The following LALBA variants were observed in gnomAD, a reference collection of about 807,000 sequenced individuals.
The protein encoded by LALBA is alpha-lactalbumin.
LALBA carries 12 observed loss-of-function variants against 13.4 expected under a neutral mutation model. The ratio of observed to expected loss-of-function variants is 0.89; its 90% CI spans 0.57 to 1.45. The LOEUF is 1.45. Ranked by LOEUF, LALBA falls within the 40% of genes most tolerant of loss-of-function variation. The pLI is 0.00. For missense variants in LALBA, 145 were observed against 165.9 expected, an observed-to-expected ratio of 0.87 and a Z score of 0.69; for synonymous variants, 64 against 61.0, an observed-to-expected ratio of 1.05 and a Z score of -0.23.
Position 48,567,897 on chromosome 12 carries a change from A to T in LALBA, c.*60T>A, listed in dbSNP as rs1938586741. Reference sequence around the variant, plus strand: ...ACAGAAAGAAACAAACTGAGGTGGCATTAGGGAAGAGGTATTCCAGGAGTG... The same window carrying T: ...ACAGAAAGAAACAAACTGAGGTGGCTTTAGGGAAGAGGTATTCCAGGAGTG... On this transcript the variant is annotated 3_prime_UTR_variant, in exon 4 of 4. Transcript: ENST00000301046. 2 of 1,359,362 alleles carry T rather than the reference A, an allele frequency of 1.5e-6. No homozygotes were observed. Among genetic ancestry groups the T allele is most frequent in the East Asian group, 2.3e-5 (1 of 42,586 alleles). 84.2% of individuals were successfully genotyped at this position (1,359,362 alleles called of 1,614,324 possible).
intron 1 of LALBA, 35 bp downstream of exon 1, chr12:48,569,853 G>A (rs553284838): frequency 1.2e-6 from 2 of 1,608,198 alleles, no homozygotes; most frequent in East Asian, 4.5e-5. Context: ...AGAAGCGTAT[G>A]AGGAATGGAT....
rs1162697320 is a variant in LALBA, at chr12:48,567,941, C to T, written c.*16G>A. On this transcript the variant is annotated 3_prime_UTR_variant, in exon 4 of 4. Transcript: ENST00000301046. Reference sequence around the variant, plus strand: ...AGGAGTGTGGAGTGGGCAGGGGTGCCAAGGACAGCAGACACTCACAACTTC... The same window carrying T: ...AGGAGTGTGGAGTGGGCAGGGGTGCTAAGGACAGCAGACACTCACAACTTC... The T allele has an allele frequency of 6.2e-7, 1 of 1,601,284 alleles. No individual in the cohort carries two copies. The highest frequency in any genetic ancestry group is 1.3e-5 in the African/African-American group (1 of 74,922).
rs58503518 is a variant in LALBA, at chr12:48,569,892, A to C, written c.129T>G (p.Pro43=). The part of the protein sequence containing the change: ...DIDGYGGIAL[P]ELICTMFHTS... ...ACACAGAGGCAGGGAACTCACATTC[A>C]GGCAAAGCGATGCCTCCATAACCAT... The change falls in exon 1 of 4, where the codon CCT becomes CCG. Residue 43 remains proline (P), a synonymous_variant. Transcript: ENST00000301046. 1 of 1,613,930 alleles carries C rather than the reference A, an allele frequency of 6.2e-7. No individual in the cohort carries two copies.
At position 48,567,878 on chromosome 12, in the gene LALBA, A is replaced by G; in HGVS notation, c.*79T>C. ...ACAGATAAGCTTTGGGGGAACAGAA[A>G]GAAACAAACTGAGGTGGCATTAGGG... On this transcript the variant is annotated 3_prime_UTR_variant, in exon 4 of 4. Coordinates refer to ENST00000301046, the MANE Select transcript of LALBA (RefSeq NM_002289.3). 8.3e-7 allele frequency: 1 copy of G among 1,206,048 alleles called. No individual in the cohort carries two copies. Among genetic ancestry groups the G allele is most frequent in the Non-Finnish European group, 1.2e-6 (1 of 829,810 alleles). 74.7% of individuals were successfully genotyped at this position (1,206,048 alleles called of 1,614,324 possible).
chr12:48,569,321 TGCTTTCCAGC>T (rs1938604354), intron 1 of LALBA, 81 bp from the exon 2 acceptor site: 1 of 1,250,698 alleles, frequency 8.0e-7, no homozygotes, highest in East Asian at 2.5e-5. Flanking sequence ...CAGACAAAAA[TGCTTTCCAGC>T]CAATCTCCAA....
upstream of LALBA, among the ~76,000 whole-genome samples, chr12:48,570,807 A>G (rs1938623605): frequency 6.6e-6 from 1 of 151,694 alleles, no homozygotes; most frequent in Non-Finnish European, 1.5e-5. Context: ...ACATGGTAAA[A>G]TCCCATCTCT....
upstream of LALBA, among the ~76,000 whole-genome samples, chr12:48,571,386 CTTTT>C (rs60444004): frequency 2.4e-4 from 24 of 98,028 alleles, no homozygotes; most frequent in Admixed American, 2.9e-3. Context: ...CTTCTTCTTC[CTTTT>C]TTTTTTTTTT....
At chr12:48,571,654 G>C (rs1398681075), upstream of LALBA, among the ~76,000 whole-genome samples, 1 of 152,048 alleles carries the variant, frequency 6.6e-6, no homozygotes, top group East Asian at 1.9e-4. Context: ...GCCTCCCAAA[G>C]TGCTAGGATT....
chr12:48,569,189 T>G lies in LALBA; in HGVS notation c.185A>C (p.Glu62Ala). The change falls in exon 2 of 4, where the codon GAA (glutamate) becomes GCA (alanine). Residue 62 changes from glutamate (E) to alanine (A), a missense_variant. By Grantham distance (107) the Glu-to-Ala change is moderately radical. Transcript: ENST00000301046. ...TSGYDTQAIV[E>A]NNESTEYGLF... is the part of the protein sequence containing the mutation. ...TCCATATTCCGTGCTTTCATTGTTT[T>G]CAACTATGGCTTGTGTGTCATAACC... 1 of 1,613,606 alleles carries G rather than the reference T, an allele frequency of 6.2e-7. No individual in the cohort carries two copies. The highest frequency in any genetic ancestry group is 8.5e-7 in the Non-Finnish European group (1 of 1,179,556).
chr12:48,569,020 G>A, intron 2 of LALBA, 62 bp downstream of exon 2: 4 of 1,420,472 alleles, frequency 2.8e-6, no homozygotes, highest in Non-Finnish European at 3.8e-6. Flanking sequence ...GCACTAAAAA[G>A]GAGATTATCC....
chr12:48,569,523 G>A (rs530887194), intron 1 of LALBA, among the ~76,000 whole-genome samples: 1 of 152,268 alleles, frequency 6.6e-6, no homozygotes, highest in African/African-American at 2.4e-5. Flanking sequence ...AGACCAGCCT[G>A]GCCAACATGG....
chr12:48,569,833 G>C, intron 1 of LALBA, 55 bp downstream of exon 1: 1 of 1,578,754 alleles, frequency 6.3e-7, no homozygotes, highest in Middle Eastern at 1.7e-4. Context: ...AGAAAGAGGG[G>C]ATGGAGGAGA....
At chr12:48,571,386 C>CTTTTTTTTT (rs60444004), upstream of LALBA, among the ~76,000 whole-genome samples, 289 of 98,022 alleles carry the variant, frequency 2.9e-3, 16 homozygotes, top group Non-Finnish European at 3.6e-3. Context: ...CTTCTTCTTC[C>CTTTTTTTTT]TTTTTTTTTT....
chr12:48,569,513 A>G (rs1370656305), intron 1 of LALBA, among the ~76,000 whole-genome samples: 2 of 152,212 alleles, frequency 1.3e-5, no homozygotes, highest in African/African-American at 4.8e-5. Context: ...CAGAAGTTTG[A>G]GACCAGCCTG....
intron 1 of LALBA, 48 bp from the exon 2 acceptor site, chr12:48,569,288 C>A: frequency 6.8e-7 from 1 of 1,479,140 alleles, no homozygotes; most frequent in Middle Eastern, 1.7e-4. Context: ...ACAGGATCTG[C>A]ATAAAGGAGG....
chr12:48,570,981 T>TAA (rs35399476), upstream of LALBA, among the ~76,000 whole-genome samples: 1,913 of 116,188 alleles, frequency 0.016, 48 homozygotes, highest in African/African-American at 0.053. Context: ...ACCCTATCTT[T>TAA]AAAAAAAAAA....
At position 48,569,252 on chromosome 12, in the gene LALBA, A is replaced by T; in HGVS notation, c.134-12T>A. 6.2e-7 allele frequency: 1 copy of T among 1,605,898 alleles called. No individual in the cohort carries two copies. Among genetic ancestry groups the T allele is most frequent in the Non-Finnish European group, 8.5e-7 (1 of 1,174,290 alleles). ...CATGGTACAGATCACTGAGGGAAAG[A>T]TGAGAAAGAGATACCACAGAGATGT... On this transcript the variant is annotated splice_polypyrimidine_tract_variant and intron_variant, in intron 1 of 3. Transcript: ENST00000301046.
chr12:48,568,358 G>A, intron 3 of LALBA, 159 bp downstream of exon 3: 1 of 650,116 alleles, frequency 1.5e-6, no homozygotes, highest in South Asian at 1.8e-5. Flanking sequence ...CGGAGCGAGA[G>A]AGGCTTAATA....
upstream of LALBA, among the ~76,000 whole-genome samples, chr12:48,570,696 A>T (rs1289242689): frequency 6.6e-6 from 1 of 152,184 alleles, no homozygotes; most frequent in Admixed American, 6.5e-5. Context: ...GTATGAAAGC[A>T]TCTAGGCCAG....
Sources: allele counts gnomAD v4.1 joint callset (sites outside exome capture counted in the v4.1 genomes callset), GRCh38; gene constraint gnomAD v4.1.1; transcripts MANE v1.5; gene names NCBI Gene and HGNC (gene_info 2026-07-23, HGNC 2026-07-21).